Variants in ZCWPW2 observed in about 807,000 individuals in gnomAD.
The protein encoded by ZCWPW2 is zinc finger CW-type PWWP domain protein 2.
In ZCWPW2, 45 loss-of-function variants were observed where a neutral mutation model predicts 46.6. That is an observed-to-expected ratio of 0.96 (90% confidence interval 0.76 to 1.24). ZCWPW2 has a LOEUF of 1.24. Among genes scored for constraint, ZCWPW2 ranks in the 50% most tolerant of loss-of-function variants. The probability of loss-of-function intolerance (pLI) is 0.00; values close to 1 mark genes in which losing one functional copy is unlikely to be tolerated. For missense variants in ZCWPW2, 429 were observed against 403.9 expected (o/e 1.06, Z -0.53); for synonymous variants, 152 against 137.1 (o/e 1.11, Z -0.76).
intron 1 of ZCWPW2, among the ~76,000 whole-genome samples, chr3:28,375,739 AT>A (rs36058066): frequency 3.4e-4 from 49 of 146,066 alleles, no homozygotes; most frequent in Middle Eastern, 3.8e-3. Flanking sequence ...CATTCTTTCT[AT>A]TTTTTTTTTT....
intron 1 of ZCWPW2, among the ~76,000 whole-genome samples, chr3:28,386,551 A>G (rs549947099): frequency 2.6e-5 from 4 of 152,298 alleles, no homozygotes; most frequent in African/African-American, 9.6e-5. Flanking sequence ...ATGAAAAATT[A>G]TTAGCTAAAG....
intron 5 of ZCWPW2, among the ~76,000 whole-genome samples, chr3:28,480,409 G>GTT (rs113156854): frequency 1.2e-4 from 18 of 148,570 alleles, no homozygotes; most frequent in Non-Finnish European, 1.8e-4. Flanking sequence ...CTTTTTAATG[G>GTT]TTTTTTTTTT....
Position 28,526,182 on chromosome 3 carries a change from C to T in ZCWPW2, c.*1494C>T, listed in dbSNP as rs1700840311. 1.3e-5 allele frequency among the ~76,000 whole-genome samples: 2 copies of T among 152,116 alleles called. No individual in the cohort carries two copies. The highest frequency in any genetic ancestry group is 4.1e-4 in the South Asian group (2 of 4,826). ...GTAAATCAATTTGATCTTCTGTTTA[C>T]TCTTTGCAAAGAGAACCAAGTATGT... On this transcript the variant is annotated 3_prime_UTR_variant, in exon 10 of 10. Coordinates refer to ENST00000383768, the MANE Select transcript of ZCWPW2 (RefSeq NM_001040432.4).
At chr3:28,492,242 A>G in intron 6 of ZCWPW2, 69 bp downstream of exon 6, 1 of 1,335,596 alleles carries the variant, frequency 7.5e-7, no homozygotes, top group Non-Finnish European at 1.0e-6. Flanking sequence ...CTTTAAAGAA[A>G]ATTATATTAT....
chr3:28,472,313 T>A (rs1236206898), intron 4 of ZCWPW2, among the ~76,000 whole-genome samples: 2 of 152,198 alleles, frequency 1.3e-5, no homozygotes, highest in African/African-American at 4.8e-5. Context: ...TCACATTACC[T>A]GACTTCAAAT....
At chr3:28,458,673 C>T (rs1698513020) in intron 4 of ZCWPW2, among the ~76,000 whole-genome samples, 1 of 152,160 alleles carries the variant, frequency 6.6e-6, no homozygotes. Flanking sequence ...TTCTCATCTT[C>T]ATAAGCATAC....
At chr3:28,464,888 A>G (rs1698764075) in intron 4 of ZCWPW2, among the ~76,000 whole-genome samples, 1 of 152,240 alleles carries the variant, frequency 6.6e-6, no homozygotes, top group South Asian at 2.1e-4. Context: ...GATTTTAGCC[A>G]TGGCTTAAGA....
At chr3:28,447,947 GC>G in intron 4 of ZCWPW2, 1 of 722,572 alleles carries the variant, frequency 1.4e-6, no homozygotes, top group Non-Finnish European at 2.4e-6. Flanking sequence ...AAACATGTCA[GC>G]AGGCCCTATG....
intron 3 of ZCWPW2, among the ~76,000 whole-genome samples, chr3:28,430,245 C>T (rs568295958): frequency 2.0e-5 from 3 of 152,366 alleles, no homozygotes; most frequent in African/African-American, 7.2e-5. Context: ...CCTCTTGCAT[C>T]AGCGTGACCT....
At chr3:28,451,097 T>C (rs978013739) in intron 4 of ZCWPW2, among the ~76,000 whole-genome samples, 14 of 152,262 alleles carry the variant, frequency 9.2e-5, no homozygotes, top group South Asian at 2.1e-4. Context: ...GAGGTGTCGG[T>C]TTGCTGTTGC....
chr3:28,403,198 A>G (rs1395622943), intron 2 of ZCWPW2, among the ~76,000 whole-genome samples: 1 of 152,184 alleles, frequency 6.6e-6, no homozygotes, highest in African/African-American at 2.4e-5. Context: ...AACTCAGCTA[A>G]GTTTCAGGAT....
chr3:28,516,170 G>A (rs1700563043), intron 8 of ZCWPW2, among the ~76,000 whole-genome samples: 1 of 150,890 alleles, frequency 6.6e-6, no homozygotes, highest in Non-Finnish European at 1.5e-5. Flanking sequence ...AGCCTGGGAG[G>A]CGGAGGTTGC....
intron 1 of ZCWPW2, among the ~76,000 whole-genome samples, chr3:28,360,326 A>C (rs936623576): frequency 2.1e-5 from 3 of 145,338 alleles, no homozygotes; most frequent in African/African-American, 7.7e-5. Flanking sequence ...TAACTCGGTG[A>C]AACCCCGTCT....
chr3:28,453,768 C>T (rs979170626), intron 4 of ZCWPW2, among the ~76,000 whole-genome samples: 2 of 150,790 alleles, frequency 1.3e-5, no homozygotes, highest in African/African-American at 4.9e-5. Flanking sequence ...AACTCAAAAT[C>T]GTATAATTGT....
intron 4 of ZCWPW2, among the ~76,000 whole-genome samples, chr3:28,475,300 G>T (rs1424266934): frequency 6.6e-6 from 1 of 152,024 alleles, no homozygotes; most frequent in Non-Finnish European, 1.5e-5. Flanking sequence ...CGTGCTTTTT[G>T]CTCTATCATC....
rs1700838214 is a variant in ZCWPW2, at chr3:28,526,087, T to G, written c.*1399T>G. Among the ~76,000 whole-genome samples the G allele has an allele frequency of 6.6e-6, 1 of 152,118 alleles. No individual in the cohort carries two copies. Among genetic ancestry groups the G allele is most frequent in the Admixed American group, 6.6e-5 (1 of 15,248 alleles). ...TAATCTAGTTTCCTCATATGTAAAA[T>G]GGGGATGGAACTATGCAAACCAAGC... On this transcript the variant is annotated 3_prime_UTR_variant, in exon 10 of 10. Coordinates refer to ENST00000383768, the MANE Select transcript of ZCWPW2 (RefSeq NM_001040432.4).
Position 28,368,609 on chromosome 3 carries a change from A to G in ZCWPW2, c.-134+19406A>G, listed in dbSNP as rs545421239. 1.6e-4 allele frequency among the ~76,000 whole-genome samples: 25 copies of G among 152,236 alleles called. No homozygotes were observed. The South Asian group carries it at 4.8e-3, about 29-fold the overall frequency. ...CCTTAACATTTTTTCCTTCATTTCA[A>G]CGTTGGTGAATCTGACAATTATGTG... On this transcript the variant is annotated intron_variant, in intron 1 of 9. Coordinates refer to ENST00000383768, the MANE Select transcript of ZCWPW2 (RefSeq NM_001040432.4).
intron 4 of ZCWPW2, among the ~76,000 whole-genome samples, chr3:28,450,051 T>A (rs1698163826): frequency 6.6e-6 from 1 of 152,206 alleles, no homozygotes; most frequent in South Asian, 2.1e-4. Context: ...ACTGGATCAA[T>A]TAAATCAGAA....
chr3:28,479,084 A>G (rs1170786193), intron 5 of ZCWPW2, among the ~76,000 whole-genome samples, 153 bp downstream of exon 5: 3 of 152,194 alleles, frequency 2.0e-5, no homozygotes, highest in Non-Finnish European at 2.9e-5. Context: ...TTTTATATCA[A>G]TGAATAGCAT....
Sources: allele counts gnomAD v4.1 joint callset (sites outside exome capture counted in the v4.1 genomes callset), GRCh38; gene constraint gnomAD v4.1.1; transcripts MANE v1.5; gene names NCBI Gene and HGNC (gene_info 2026-07-23, HGNC 2026-07-21).